Variants in DOCK1 observed in about 807,000 individuals in gnomAD.
DOCK1 encodes dedicator of cytokinesis 1.
A neutral mutation model predicts 262.7 loss-of-function variants in DOCK1; 138 were observed. That is an observed-to-expected ratio of 0.53 (90% CI 0.46 to 0.61). The LOEUF (loss-of-function observed/expected upper bound fraction) is 0.61, where lower values mean the gene tolerates loss of function less well. DOCK1 is among the 20% of genes least tolerant of loss of function. DOCK1 has a pLI of 0.00. For missense variants in DOCK1, 1,908 were observed against 2,370.7 expected (o/e 0.80, Z 4.05); for synonymous variants, 866 against 867.4 (o/e 1.00, Z 0.03).
At position 127,127,807 on chromosome 10, in the gene DOCK1, G is replaced by A. The variant is rs746396425; in HGVS notation, c.2847+43G>A. The A allele has an allele frequency of 6.5e-6, 10 of 1,542,680 alleles. No homozygotes were observed. The South Asian group carries it at 1.0e-4, about 16-fold the overall frequency. ...TATGTTTGGATATTTAACTGGGGCT[G>A]ACAGCATCCTTCTCCAACTGCTGTT... On this transcript the variant is annotated intron_variant, in intron 27 of 51. Coordinates refer to ENST00000623213, the MANE Select transcript of DOCK1 (RefSeq NM_001290223.2).
Position 127,199,048 on chromosome 10 carries a change from G to A in DOCK1, c.2848-48960G>A, listed in dbSNP as rs535328968. ...GGGTCTAGAATGAGTCAATATGCTC[G>A]GCTTCCTCAGGAAAAAAAAAAAGTG... On this transcript the variant is annotated intron_variant, in intron 27 of 51. Coordinates refer to ENST00000623213, the MANE Select transcript of DOCK1 (RefSeq NM_001290223.2). Among the ~76,000 whole-genome samples the A allele has an allele frequency of 2.0e-5, 3 of 151,454 alleles. No homozygotes were observed. In the South Asian group the frequency reaches 6.3e-4, roughly 32 times the overall value.
At chr10:127,449,462 G>T (rs1052880769) in intron 51 of DOCK1, among the ~76,000 whole-genome samples, 3 of 152,184 alleles carry the variant, frequency 2.0e-5, no homozygotes, top group Non-Finnish European at 4.4e-5. Flanking sequence ...ATACACCATT[G>T]TGGGTTACTG....
chr10:127,327,777 T>G (rs2720965), intron 29 of DOCK1, among the ~76,000 whole-genome samples: 243 of 152,270 alleles, frequency 1.6e-3, no homozygotes, highest in African/African-American at 5.5e-3. Context: ...GCTTCTAATC[T>G]CCTTCTTCTC....
chr10:127,016,471 G>A (rs376673367), intron 12 of DOCK1: 5 of 152,286 alleles, frequency 3.3e-5, no homozygotes, highest in African/African-American at 1.2e-4. Flanking sequence ...AGGGACAGCC[G>A]GAGGTGCCGG....
At chr10:127,393,107 C>T (rs2066593691) in intron 38 of DOCK1, among the ~76,000 whole-genome samples, 1 of 152,174 alleles carries the variant, frequency 6.6e-6, no homozygotes, top group Admixed American at 6.5e-5. Flanking sequence ...GTGCCCACAG[C>T]CCTTGGAGTG....
chr10:126,939,437 T>G (rs1291310317), intron 1 of DOCK1, among the ~76,000 whole-genome samples: 1 of 152,264 alleles, frequency 6.6e-6, no homozygotes, highest in Non-Finnish European at 1.5e-5. Flanking sequence ...TCATCTAAAT[T>G]CTAGGATGAA....
chr10:127,339,263 G>A (rs1202156948), intron 30 of DOCK1, among the ~76,000 whole-genome samples, 179 bp downstream of exon 30: 1 of 152,134 alleles, frequency 6.6e-6, no homozygotes, highest in African/African-American at 2.4e-5. Flanking sequence ...TTATACTTTT[G>A]GAGTATTCGC....
intron 25 of DOCK1, among the ~76,000 whole-genome samples, chr10:127,116,910 C>T (rs1273580439): frequency 6.6e-6 from 1 of 152,166 alleles, no homozygotes; most frequent in Non-Finnish European, 1.5e-5. Context: ...AAGACTGATT[C>T]TTTTAAATAA....
chr10:127,170,272 C>T (rs557303984), intron 27 of DOCK1, among the ~76,000 whole-genome samples: 5 of 152,222 alleles, frequency 3.3e-5, no homozygotes, highest in South Asian at 4.2e-4. Context: ...CACAAAGCCC[C>T]GAAGCCTCAG....
At chr10:127,096,254 A>G (rs2047903686) in intron 23 of DOCK1, among the ~76,000 whole-genome samples, 1 of 152,106 alleles carries the variant, frequency 6.6e-6, no homozygotes, top group Non-Finnish European at 1.5e-5. Flanking sequence ...TCCGACCATC[A>G]CGTCCAGCCA....
intron 23 of DOCK1, among the ~76,000 whole-genome samples, chr10:127,096,867 G>T (rs1040429082): frequency 2.0e-5 from 3 of 152,104 alleles, no homozygotes; most frequent in African/African-American, 7.2e-5. Flanking sequence ...AGCACTTTGG[G>T]AGGCCAAGAC....
chr10:127,440,405 T>C (rs1475400652), intron 49 of DOCK1, among the ~76,000 whole-genome samples: 2 of 152,098 alleles, frequency 1.3e-5, no homozygotes, highest in African/African-American at 4.8e-5. Context: ...CACAGCCCAC[T>C]TCCAGGGCGA....
chr10:127,247,965 G>A (rs1311870833), intron 27 of DOCK1, 43 bp from the exon 28 acceptor site: 7 of 1,590,518 alleles, frequency 4.4e-6, no homozygotes, highest in Non-Finnish European at 6.0e-6. Flanking sequence ...TCCCATGAGT[G>A]TTGCTCTGTC....
rs2040142089 is a variant in DOCK1, at chr10:126,995,662, AGAGGGAGACCGTGGAGAGGGAGAGG to A, written c.474-1082_474-1058del. Among the ~76,000 whole-genome samples the A allele has an allele frequency of 1.1e-5, 1 of 95,226 alleles. No homozygotes were observed. The highest frequency in any genetic ancestry group is 5.3e-4 in the South Asian group (1 of 1,896). The allele number at this position is 95,226 out of a possible 152,430, so 62.5% of individuals were successfully genotyped here. A position where few individuals can be genotyped will look rare whatever the true frequency, so the allele number is the denominator to read the frequency against. On this transcript the variant is annotated intron_variant, in intron 6 of 51. Coordinates refer to ENST00000623213, the MANE Select transcript of DOCK1 (RefSeq NM_001290223.2). The surrounding 1 kb of genome is among the most constrained non-coding windows in gnomAD (Gnocchi z 5.8). The stretch of plus-strand genomic sequence containing the variant: ...AGGGAGAGGGAGACCGTGGAGAGGG[AGAGGGAGACCGTGGAGAGGGAGAGG>A]GAGAGGGAGAATGTACTGTTATAGA...
At chr10:126,947,343 GTGATGGTGGTGGTTGGTAGTATTACTGT>G (rs2035523422) in intron 1 of DOCK1, among the ~76,000 whole-genome samples, 1 of 147,624 alleles carries the variant, frequency 6.8e-6, no homozygotes, top group Non-Finnish European at 1.5e-5. Flanking sequence ...ATTACTGTTG[GTGATGGTGGTGGTTGGTAGTATTACTGT>G]TGGTGGTGAT....
At chr10:127,248,666 T>C (rs1218206178) in intron 28 of DOCK1, among the ~76,000 whole-genome samples, 1 of 152,220 alleles carries the variant, frequency 6.6e-6, no homozygotes, top group African/African-American at 2.4e-5. Context: ...GACCTGAAAT[T>C]ACATTGCCAT....
chr10:127,267,070 G>T (rs1010358586), intron 29 of DOCK1, among the ~76,000 whole-genome samples: 2 of 152,200 alleles, frequency 1.3e-5, no homozygotes, highest in Non-Finnish European at 2.9e-5. Flanking sequence ...GGACCCTCCA[G>T]CAGGAAAAGG....
intron 27 of DOCK1, among the ~76,000 whole-genome samples, chr10:127,128,899 C>T (rs1414321525): frequency 6.6e-6 from 1 of 152,148 alleles, no homozygotes; most frequent in African/African-American, 2.4e-5. Flanking sequence ...CACATGTTAT[C>T]ATTTAAGTCA....
chr10:127,200,271 A>T (rs959265375), intron 27 of DOCK1, among the ~76,000 whole-genome samples: 4 of 152,206 alleles, frequency 2.6e-5, no homozygotes, highest in Admixed American at 1.3e-4. Flanking sequence ...ACAGAGTGGG[A>T]CATTCCCAAA....
Sources: gnomAD v4.1 joint callset for allele counts (sites outside exome capture counted in the v4.1 genomes callset) on GRCh38, gnomAD v4.1.1 for gene constraint, Gnocchi (gnomAD v3.1) non-coding constraint, MANE v1.5 for transcripts, NCBI Gene and HGNC (gene_info 2026-07-23, HGNC 2026-07-21) for gene names.